The following EYS variants were observed in gnomAD, a reference collection of about 807,000 sequenced individuals.
The protein encoded by EYS is protein eyes shut homolog.
In EYS, 250 loss-of-function variants were observed where a neutral mutation model predicts 282.1. That is an observed-to-expected ratio of 0.89 (90% CI 0.80 to 0.98). The LOEUF is 0.98. Among genes scored for constraint, EYS ranks in the 50% least tolerant of loss-of-function variants. The pLI is 0.00. For synonymous variants in EYS, 1,355 were observed against 1,282.9 expected, an observed-to-expected ratio of 1.06 and a Z score of -1.20; for missense variants, 4,016 against 3,709.0, an observed-to-expected ratio of 1.08 and a Z score of -2.15.
intron 15 of EYS, among the ~76,000 whole-genome samples, chr6:64,923,546 A>G (rs954606811): frequency 6.6e-6 from 1 of 152,174 alleles, no homozygotes; most frequent in African/African-American, 2.4e-5. Context: ...AACTCATTTC[A>G]GCATTAACTC....
At chr6:65,170,666 ATAT>A (rs1190130839) in intron 12 of EYS, among the ~76,000 whole-genome samples, 1 of 151,482 alleles carries the variant, frequency 6.6e-6, no homozygotes, top group East Asian at 2.0e-4. Flanking sequence ...TCTTATTTAA[ATAT>A]TATTAAAATA....
intron 21 of EYS, among the ~76,000 whole-genome samples, chr6:64,820,984 T>C (rs377044405): frequency 2.0e-5 from 3 of 152,132 alleles, no homozygotes; most frequent in South Asian, 4.2e-4. Flanking sequence ...GCTTCCTCCC[T>C]TTACCATGTT....
intron 13 of EYS, among the ~76,000 whole-genome samples, chr6:65,020,785 A>C (rs1414252903): frequency 6.6e-6 from 1 of 152,134 alleles, no homozygotes; most frequent in African/African-American, 2.4e-5. Context: ...AGATGTTTCC[A>C]TACATCCTCT....
At chr6:65,412,036 T>C (rs1239057137) in intron 5 of EYS, among the ~76,000 whole-genome samples, 6 of 152,102 alleles carry the variant, frequency 3.9e-5, no homozygotes, top group African/African-American at 1.4e-4. Flanking sequence ...AATTAGATTA[T>C]GACAGTGGAG....
intron 2 of EYS, among the ~76,000 whole-genome samples, chr6:65,519,708 A>ATATATATATTTTTTTTTT (rs1554205854): frequency 4.7e-5 from 2 of 42,562 alleles, no homozygotes; most frequent in Non-Finnish European, 7.4e-5. Flanking sequence ...ATATATATAT[A>ATATATATATTTTTTTTTT]TTTTTTTTTT....
intron 13 of EYS, among the ~76,000 whole-genome samples, chr6:65,011,654 C>A (rs935328030): frequency 6.6e-6 from 1 of 152,212 alleles, no homozygotes; most frequent in Non-Finnish European, 1.5e-5. Flanking sequence ...AGAGACAGAA[C>A]TAGCTGGATT....
At chr6:64,842,190 G>A (rs572399180) in intron 19 of EYS, among the ~76,000 whole-genome samples, 6 of 151,670 alleles carry the variant, frequency 4.0e-5, no homozygotes, top group South Asian at 2.1e-4. Flanking sequence ...TGTCAGGAGC[G>A]CAGAATTTAC....
chr6:65,010,458 T>C (rs561795524), intron 13 of EYS, among the ~76,000 whole-genome samples: 1 of 152,356 alleles, frequency 6.6e-6, no homozygotes, highest in African/African-American at 2.4e-5. Flanking sequence ...GCCACATTTC[T>C]TCCAGACAAT....
chr6:64,943,625 A>G (rs1769175071), intron 15 of EYS, among the ~76,000 whole-genome samples: 1 of 152,124 alleles, frequency 6.6e-6, no homozygotes, highest in South Asian at 2.1e-4. Flanking sequence ...CAAACAAACA[A>G]AAAAGCAAGG....
In EYS at chr6:65,482,498, G is replaced by A. The variant is rs191903703; in HGVS notation, c.862+8096C>T. ...AATTGAGTCTCAAAATAGGATTAAA[G>A]TTCAATTATTAAAAATGAAGAAAGT... On this transcript the variant is annotated intron_variant, in intron 5 of 42. Coordinates refer to ENST00000503581, the MANE Select transcript of EYS (RefSeq NM_001142800.2). Among the ~76,000 whole-genome samples, 312 of 152,248 alleles carry A rather than the reference G, an allele frequency of 2.0e-3. 2 individuals are homozygous for A. The highest frequency in any genetic ancestry group is 7.2e-3 in the African/African-American group (301 of 41,550).
At chr6:64,640,282 C>T (rs13203354) in intron 22 of EYS, among the ~76,000 whole-genome samples, 16 of 147,130 alleles carry the variant, frequency 1.1e-4, no homozygotes, top group East Asian at 6.0e-4. Context: ...ATGTTTATTG[C>T]GGCACTATTC....
At chr6:65,087,124 T>C (rs1233578084) in intron 12 of EYS, among the ~76,000 whole-genome samples, 2 of 152,116 alleles carry the variant, frequency 1.3e-5, no homozygotes, top group East Asian at 3.9e-4. Context: ...CCCAGCCATA[T>C]GTGTTATTTT....
intron 33 of EYS, among the ~76,000 whole-genome samples, chr6:64,065,655 C>G (rs571071350): frequency 7.1e-4 from 108 of 152,228 alleles, no homozygotes; most frequent in African/African-American, 2.6e-3. Flanking sequence ...TAACCAATTC[C>G]TAGCAGCTGT....
intron 5 of EYS, among the ~76,000 whole-genome samples, chr6:65,406,280 T>C (rs1047115080): frequency 3.9e-5 from 6 of 152,128 alleles, no homozygotes; most frequent in Admixed American, 2.0e-4. Flanking sequence ...AGCTTTCTTA[T>C]GATTGAGAGC....
chr6:65,582,253 A>G (rs1432930473), intron 2 of EYS, among the ~76,000 whole-genome samples: 1 of 151,744 alleles, frequency 6.6e-6, no homozygotes, highest in African/African-American at 2.4e-5. Flanking sequence ...AGAACATTTG[A>G]TCTTTTACCA....
At chr6:63,813,751 A>T (rs918306491) in intron 36 of EYS, among the ~76,000 whole-genome samples, 2 of 152,066 alleles carry the variant, frequency 1.3e-5, no homozygotes, top group Non-Finnish European at 2.9e-5. Flanking sequence ...TGAAAATCCA[A>T]TTCAGTTCTT....
chr6:64,490,925 G>A (rs1431538254), intron 26 of EYS, among the ~76,000 whole-genome samples: 2 of 150,386 alleles, frequency 1.3e-5, no homozygotes, highest in Non-Finnish European at 3.0e-5. Flanking sequence ...TTAAAAGAGA[G>A]GAAACCTTTA....
chr6:64,683,128 C>T (rs13214923), intron 22 of EYS, among the ~76,000 whole-genome samples: 6 of 152,300 alleles, frequency 3.9e-5, no homozygotes, highest in African/African-American at 1.2e-4. Flanking sequence ...GTAATCCTTC[C>T]ATGTCATCTG....
chr6:64,538,937 G>C (rs1764611817), intron 26 of EYS, among the ~76,000 whole-genome samples: 1 of 152,062 alleles, frequency 6.6e-6, no homozygotes, highest in African/African-American at 2.4e-5. Flanking sequence ...CTTTTATGAT[G>C]CTCATCCCCG....
Sources: gnomAD v4.1 joint callset for allele counts (sites outside exome capture counted in the v4.1 genomes callset) on GRCh38, gnomAD v4.1.1 for gene constraint, MANE v1.5 for transcripts, NCBI Gene and HGNC (gene_info 2026-07-23, HGNC 2026-07-21) for gene names.